Variants in KIF23 observed in about 807,000 individuals in gnomAD.
KIF23 encodes kinesin-like protein KIF23.
KIF23 carries 30 observed loss-of-function variants against 137.5 expected under a neutral mutation model. The observed-to-expected ratio is 0.22, with a 90% CI of 0.16 to 0.30. The LOEUF (loss-of-function observed/expected upper bound fraction) is 0.30. Among genes scored for constraint, KIF23 ranks in the 10% least tolerant of loss-of-function variants. The pLI is 1.00. For missense variants in KIF23, 920 were observed against 1,194.3 expected (o/e 0.77, Z 3.38); for synonymous variants, 367 against 391.1 (o/e 0.94, Z 0.73).
At position 69,429,091 on chromosome 15, in the gene KIF23, T is replaced by A; in HGVS notation, c.1012-20T>A. Reference sequence around the variant, plus strand: ...CCAGTTATAACCCATTTTAAGTTATTGGCTTTGTGATCTTTTTAGGAAAAA... The same window carrying A: ...CCAGTTATAACCCATTTTAAGTTATAGGCTTTGTGATCTTTTTAGGAAAAA... On this transcript the variant is annotated intron_variant, in intron 10 of 23. Coordinates refer to ENST00000679126, the MANE Select transcript of KIF23 (RefSeq NM_001367805.3). 1 of 1,533,078 alleles carries A rather than the reference T, an allele frequency of 6.5e-7. No homozygotes were observed. Among genetic ancestry groups the A allele is most frequent in the Non-Finnish European group, 9.0e-7 (1 of 1,113,502 alleles). 95.0% of individuals were successfully genotyped at this position (1,533,078 alleles called of 1,614,324 possible).
intron 11 of KIF23, among the ~76,000 whole-genome samples, chr15:69,431,083 A>G (rs1266329821): frequency 6.6e-6 from 1 of 152,226 alleles, no homozygotes; most frequent in Admixed American, 6.5e-5. Context: ...CAGGTAAGCA[A>G]TTGTGTGACC....
At chr15:69,423,695 C>T (rs552086907) in intron 7 of KIF23, among the ~76,000 whole-genome samples, 27 of 152,228 alleles carry the variant, frequency 1.8e-4, no homozygotes, top group Non-Finnish European at 2.4e-4. Flanking sequence ...GCTCTTTAAC[C>T]ACCCGTGTCT....
chr15:69,436,836 C>T (rs954559878), intron 15 of KIF23, 114 bp downstream of exon 15: 4 of 574,592 alleles, frequency 7.0e-6, no homozygotes, highest in Non-Finnish European at 1.1e-5. Context: ...TTCACTGCAA[C>T]CTCCGCCTCC....
chr15:69,446,587 G>GGT, intron 22 of KIF23: 1 of 617,042 alleles, frequency 1.6e-6, no homozygotes, highest in Non-Finnish European at 2.9e-6. Context: ...AACATGGGAA[G>GGT]GTAGGGGTCA....
At chr15:69,427,152 A>G (rs1225955036) in intron 10 of KIF23, among the ~76,000 whole-genome samples, 1 of 152,222 alleles carries the variant, frequency 6.6e-6, no homozygotes, top group Non-Finnish European at 1.5e-5. Context: ...AAATAAAAAA[A>G]TAAAAAAATA....
At chr15:69,433,651 C>T (rs965026656) in intron 11 of KIF23, among the ~76,000 whole-genome samples, 4 of 152,196 alleles carry the variant, frequency 2.6e-5, no homozygotes, top group Non-Finnish European at 5.9e-5. Context: ...TAAAAATTGT[C>T]TTCCATGAAA....
At chr15:69,430,307 G>A (rs190279937) in intron 11 of KIF23, among the ~76,000 whole-genome samples, 220 of 152,286 alleles carry the variant, frequency 1.4e-3, no homozygotes, top group African/African-American at 5.2e-3. Context: ...GATGTATGCA[G>A]TGTGATCAAT....
chr15:69,421,737 A>T lies in KIF23; in HGVS notation c.301A>T (p.Ile101Phe), dbSNP rs1464548691. The change falls in exon 4 of 24, where the codon ATT becomes TTT. Residue 101 changes from isoleucine (I) to phenylalanine (F), a missense_variant. Physicochemically the swap from Ile to Phe is conservative, Grantham distance 21 (BLOSUM62 0). Coordinates refer to ENST00000679126, the MANE Select transcript of KIF23 (RefSeq NM_001367805.3). ...GGCTAATCCCTTGGTCAATGACCTC[A>T]TTCATGGCAAAAATGGTATGATATG... ...VVANPLVNDL[I>F]HGKNGLLFTY... 1 of 1,611,424 alleles carries T rather than the reference A, an allele frequency of 6.2e-7. No individual in the cohort carries two copies. The highest frequency in any genetic ancestry group is 8.5e-7 in the Non-Finnish European group (1 of 1,177,678).
intron 11 of KIF23, among the ~76,000 whole-genome samples, chr15:69,432,547 T>G (rs2140364625): frequency 6.6e-6 from 1 of 151,932 alleles, no homozygotes; most frequent in South Asian, 2.1e-4. Flanking sequence ...TTTTTTTTAC[T>G]CCAAAAGGCT....
At chr15:69,431,853 T>C (rs946232882) in intron 11 of KIF23, among the ~76,000 whole-genome samples, 6 of 152,230 alleles carry the variant, frequency 3.9e-5, no homozygotes, top group Admixed American at 1.3e-4. Flanking sequence ...TTTATTCATA[T>C]GCTGAAGAGA....
chr15:69,437,969 G>C (rs2057523207), intron 15 of KIF23, among the ~76,000 whole-genome samples: 1 of 152,182 alleles, frequency 6.6e-6, no homozygotes, highest in African/African-American at 2.4e-5. Flanking sequence ...GTTTGTTGTT[G>C]TGAAGCAAAG....
intron 11 of KIF23, among the ~76,000 whole-genome samples, chr15:69,434,251 A>G (rs2057419809): frequency 6.6e-6 from 1 of 152,218 alleles, no homozygotes; most frequent in Non-Finnish European, 1.5e-5. Context: ...AATTTTTCCG[A>G]AGCACCAGAA....
At chr15:69,441,115 T>C (rs1348651784) in intron 19 of KIF23, 36 bp downstream of exon 19, 3 of 1,522,056 alleles carry the variant, frequency 2.0e-6, no homozygotes, top group Non-Finnish European at 2.7e-6. Flanking sequence ...ATTGTAGCAA[T>C]AGATTTTATC....
rs892326860 is a variant in KIF23, at chr15:69,429,201, T to C, written c.1102T>C (p.Leu368=). Residue 368 remains leucine, a synonymous_variant, in exon 11 of 24, where the codon TTA becomes CTA. Transcript: ENST00000679126. ...TNRTRAEGNR[L]REAGNINQSL... is the part of the protein sequence containing the mutation. ...CCGGACCAGAGCAGAAGGGAACAGA[T>C]TACGTGAAGCTGGTGAGTAAAGCAT... is the stretch of plus-strand genomic sequence containing the variant. 1.8e-5 allele frequency: 29 copies of C among 1,610,368 alleles called. No individual in the cohort carries two copies. Among genetic ancestry groups the C allele is most frequent in the Non-Finnish European group, 2.2e-5 (26 of 1,177,494 alleles).
intron 12 of KIF23, 29 bp downstream of exon 12, chr15:69,435,591 T>C: frequency 6.2e-7 from 1 of 1,613,426 alleles, no homozygotes; most frequent in Non-Finnish European, 8.5e-7. Flanking sequence ...TGTTCTTTTG[T>C]ATAGTTTCAT....
At chr15:69,414,670 GA>G in intron 1 of KIF23, 194 bp downstream of exon 1, 1 of 536,276 alleles carries the variant, frequency 1.9e-6, no homozygotes, top group Non-Finnish European at 2.9e-6. Flanking sequence ...TGGGCGCGGA[GA>G]CCCCTGCCGC....
intron 10 of KIF23, among the ~76,000 whole-genome samples, chr15:69,428,678 A>AAAAC (rs1411173844): frequency 6.6e-6 from 1 of 151,520 alleles, no homozygotes; most frequent in African/African-American, 2.4e-5. Flanking sequence ...AAAAAAAAAA[A>AAAAC]AAAAAAACAA....
intron 21 of KIF23, 37 bp downstream of exon 21, chr15:69,446,128 T>C (rs2057735347): frequency 1.3e-6 from 2 of 1,573,800 alleles, no homozygotes; most frequent in Non-Finnish European, 1.7e-6. Context: ...TAAAAGTTGG[T>C]CATTTTCTTA....
intron 11 of KIF23, among the ~76,000 whole-genome samples, chr15:69,429,683 T>C (rs1277610086): frequency 6.6e-6 from 1 of 152,170 alleles, no homozygotes; most frequent in Non-Finnish European, 1.5e-5. Context: ...TGGTTTGGTA[T>C]TAATCTATTA....
Sources: gnomAD v4.1 joint callset for allele counts (sites outside exome capture counted in the v4.1 genomes callset) on GRCh38, gnomAD v4.1.1 for gene constraint, MANE v1.5 for transcripts, NCBI Gene and HGNC (gene_info 2026-07-23, HGNC 2026-07-21) for gene names.